Variants in COLQ observed in about 807,000 individuals in gnomAD.
COLQ encodes the protein collagen like tail subunit of asymmetric acetylcholinesterase, also known as acetylcholinesterase collagenic tail peptide.
Under a neutral mutation model 69.0 loss-of-function variants are expected in COLQ, and 48 were observed. The observed-to-expected ratio is 0.70, with a 90% CI of 0.55 to 0.88. The LOEUF is 0.88. Among genes scored for constraint, COLQ ranks in the 40% least tolerant of loss-of-function variants. COLQ has a pLI of 0.00. For missense variants in COLQ, 618 were observed against 594.6 expected (o/e 1.04, Z -0.41); for synonymous variants, 217 against 211.2 (o/e 1.03, Z -0.24).
intron 3 of COLQ, among the ~76,000 whole-genome samples, chr3:15,485,515 C>T (rs1254569953): frequency 6.6e-6 from 1 of 152,196 alleles, no homozygotes; most frequent in Non-Finnish European, 1.5e-5. Flanking sequence ...TGTCTTGGAA[C>T]CTCCCTCCCT....
At chr3:15,452,494 C>T (rs573608214) in intron 16 of COLQ, among the ~76,000 whole-genome samples, 1 of 152,294 alleles carries the variant, frequency 6.6e-6, no homozygotes, top group East Asian at 1.9e-4. Flanking sequence ...CGAGACAGGG[C>T]GTTAAACCTT....
Position 15,461,998 on chromosome 3 carries a change from CTTATTTAT to C in COLQ, c.815-3681_815-3674del, listed in dbSNP as rs71045162. 1.6e-3 allele frequency among the ~76,000 whole-genome samples: 222 copies of C among 138,016 alleles called. 1 individual carries two copies. The highest frequency in any genetic ancestry group is 2.4e-3 in the African/African-American group (90 of 37,358). The allele number at this position is 138,016 out of a possible 152,430, so 90.5% of individuals were successfully genotyped here. Reference sequence around the variant, plus strand: ...CAACTGGTCCCAGGCACAGGGATAACTTATTTATTTATTTATTTATTTATTTATTTATT... The same window carrying C: ...CAACTGGTCCCAGGCACAGGGATAACTTATTTATTTATTTATTTATTTATT... On this transcript the variant is annotated intron_variant, in intron 12 of 16. Coordinates refer to ENST00000383788, the MANE Select transcript of COLQ (RefSeq NM_005677.4).
At chr3:15,470,986 A>G (rs78268598) in intron 10 of COLQ, among the ~76,000 whole-genome samples, 47 of 152,344 alleles carry the variant, frequency 3.1e-4, no homozygotes, top group Non-Finnish European at 6.0e-4. Context: ...CTGTCTGGGA[A>G]AACGCTTTCC....
chr3:15,455,365 C>T lies in COLQ; in HGVS notation c.1195+534G>A, dbSNP rs571111175. Reference sequence around the variant, plus strand: ...TTTGTTACTTGATTAAAAACAAAAACAAAAACAAACAAAAGCAAGCCCTCC... The same window carrying T: ...TTTGTTACTTGATTAAAAACAAAAATAAAAACAAACAAAAGCAAGCCCTCC... On this transcript the variant is annotated intron_variant, in intron 15 of 16. Transcript: ENST00000383788. Among the ~76,000 whole-genome samples the T allele has an allele frequency of 1.6e-4, 24 of 151,776 alleles. 1 individual carries two copies. The highest frequency in any genetic ancestry group is 4.6e-4 in the Admixed American group (7 of 15,250).
rs555794928 is a variant in COLQ at position 15,521,438 on chromosome 3, C to T, written c.106+82G>A. Reference sequence around the variant, plus strand: ...ACCAACAGTTGAATGGCAAAAACATCAGGACACATTGCAAAACAATCTTCC... The same window carrying T: ...ACCAACAGTTGAATGGCAAAAACATTAGGACACATTGCAAAACAATCTTCC... On this transcript the variant is annotated intron_variant, in intron 1 of 16. Transcript: ENST00000383788. 1.9e-6 allele frequency: 3 copies of T among 1,569,368 alleles called. No homozygotes were observed. The East Asian group carries it at 6.9e-5, about 36-fold the overall frequency.
chr3:15,458,853 T>A (rs2062064639), intron 12 of COLQ, among the ~76,000 whole-genome samples: 1 of 151,864 alleles, frequency 6.6e-6, no homozygotes, highest in African/African-American at 2.4e-5. Context: ...AGAATTTTTT[T>A]TTTTTTTTGA....
chr3:15,502,323 G>T (rs1006238076), intron 1 of COLQ, among the ~76,000 whole-genome samples: 9 of 151,840 alleles, frequency 5.9e-5, no homozygotes, highest in African/African-American at 2.2e-4. Context: ...CACTGTGTTG[G>T]CCAGGCCGGT....
intron 1 of COLQ, among the ~76,000 whole-genome samples, chr3:15,518,226 G>A (rs544710125): frequency 6.6e-6 from 1 of 152,100 alleles, no homozygotes; most frequent in Non-Finnish European, 1.5e-5. Flanking sequence ...GATTACAGGC[G>A]TGAGCCACCG....
intron 1 of COLQ, among the ~76,000 whole-genome samples, chr3:15,515,005 C>A (rs534120530): frequency 1.3e-5 from 2 of 152,100 alleles, no homozygotes; most frequent in South Asian, 4.2e-4. Flanking sequence ...TAGAAATCAC[C>A]ACCCCCCACC....
intron 12 of COLQ, among the ~76,000 whole-genome samples, chr3:15,461,196 C>G (rs898313405): frequency 6.9e-6 from 1 of 144,020 alleles, no homozygotes; most frequent in Non-Finnish European, 1.5e-5. Context: ...TATTCCCCCC[C>G]CGACCTCTTA....
chr3:15,456,588 G>T lies in COLQ; in HGVS notation c.955-9C>A. On this transcript the variant is annotated splice_polypyrimidine_tract_variant and intron_variant, in intron 13 of 16. Transcript: ENST00000383788. ...TTGTTGACCACAAAAATCTGCCAGA[G>T]AACACACTGGTGAGGATTCCAGAAA... The T allele has an allele frequency of 6.2e-7, 1 of 1,613,826 alleles. No homozygotes were observed.
intron 11 of COLQ, among the ~76,000 whole-genome samples, chr3:15,470,122 A>T (rs2062257199): frequency 6.6e-6 from 1 of 152,194 alleles, no homozygotes. Context: ...CCTATTGTTG[A>T]GACCCAGAAG....
chr3:15,479,331 T>C lies in COLQ; in HGVS notation c.366+7A>G, dbSNP rs750387. ...AAAGAAGGGTTGAAGAAAGTAGTGG[T>C]CCATACCTTTTCTCCCTTTGGTCCT... On this transcript the variant is annotated splice_region_variant and intron_variant, in intron 4 of 16. Coordinates refer to ENST00000383788, the MANE Select transcript of COLQ (RefSeq NM_005677.4). 58,359 of 1,613,144 alleles carry C rather than the reference T, an allele frequency of 0.036. 1,203 individuals carry two copies. Among genetic ancestry groups the C allele is most frequent in the Middle Eastern group, 0.07 (425 of 6,058 alleles).
intron 3 of COLQ, among the ~76,000 whole-genome samples, chr3:15,484,264 C>T (rs888902606): frequency 2.0e-5 from 3 of 152,270 alleles, no homozygotes; most frequent in African/African-American, 7.2e-5. Flanking sequence ...ATGATGTTAG[C>T]TTGTTATTTT....
At chr3:15,497,908 G>A (rs1019059607) in intron 1 of COLQ, among the ~76,000 whole-genome samples, 7 of 152,160 alleles carry the variant, frequency 4.6e-5, no homozygotes, top group African/African-American at 1.4e-4. Flanking sequence ...AACAAACCTT[G>A]AAAGACAAAT....
intron 4 of COLQ, 150 bp from the exon 5 acceptor site, chr3:15,479,153 G>T: frequency 8.6e-7 from 1 of 1,164,068 alleles, no homozygotes; most frequent in Non-Finnish European, 1.3e-6. Context: ...GATAGGCCAC[G>T]TCAAAATACA....
At chr3:15,500,739 G>A (rs1375278568) in intron 1 of COLQ, among the ~76,000 whole-genome samples, 2 of 151,948 alleles carry the variant, frequency 1.3e-5, no homozygotes, top group Non-Finnish European at 2.9e-5. Context: ...CTCATTCTCT[G>A]GCATTGTCTC....
intron 5 of COLQ, chr3:15,477,446 T>G: frequency 2.0e-6 from 1 of 511,442 alleles, no homozygotes; most frequent in South Asian, 2.2e-5. Flanking sequence ...TCTTGGTTTT[T>G]TAATTTTTGT....
At chr3:15,470,767 G>C in intron 10 of COLQ, 151 bp from the exon 11 acceptor site, 1 of 756,080 alleles carries the variant, frequency 1.3e-6, no homozygotes, top group Non-Finnish European at 2.4e-6. Context: ...TTAGCAGAGT[G>C]AGGAAGTCAT....
Sources: gnomAD v4.1 joint callset for allele counts (sites outside exome capture counted in the v4.1 genomes callset) on GRCh38, gnomAD v4.1.1 for gene constraint, MANE v1.5 for transcripts, NCBI Gene and HGNC (gene_info 2026-07-23, HGNC 2026-07-21) for gene names.